The following HDHD5 variants were observed in gnomAD, a reference collection of about 807,000 sequenced individuals.
HDHD5 encodes the protein haloacid dehalogenase-like hydrolase domain-containing 5.
A neutral mutation model predicts 35.5 loss-of-function variants in HDHD5; 34 were observed. The ratio of observed to expected loss-of-function variants is 0.96; its 90% CI spans 0.73 to 1.28. The LOEUF (loss-of-function observed/expected upper bound fraction) is 1.28, where lower values mean the gene tolerates loss of function less well. HDHD5 is among the 50% of genes most tolerant of loss of function. HDHD5 has a pLI of 0.00. For missense variants in HDHD5, 589 were observed against 560.2 expected (o/e 1.05, Z -0.52); for synonymous variants, 248 against 240.6 (o/e 1.03, Z -0.29).
chr22:17,164,441 G>A (rs375798185), intron 1 of HDHD5, among the ~76,000 whole-genome samples: 9 of 152,298 alleles, frequency 5.9e-5, no homozygotes, highest in South Asian at 2.1e-4. Flanking sequence ...TCACATAAAC[G>A]AAGTAGTTGG....
At chr22:17,159,289 C>G (rs1297426903), upstream of HDHD5, 6 of 1,186,690 alleles carry the variant, frequency 5.1e-6, no homozygotes, top group South Asian at 5.8e-5. Context: ...GCGTGCGGCC[C>G]CCCCCCCCCG....
upstream of HDHD5, among the ~76,000 whole-genome samples, chr22:17,161,717 T>TA (rs71284927): frequency 0.032 from 4,652 of 144,162 alleles, 84 homozygotes; most frequent in South Asian, 0.055. Context: ...AATATATATA[T>TA]AAAAAAAAAA....
intron 1 of HDHD5, among the ~76,000 whole-genome samples, chr22:17,150,105 G>C (rs957162311): frequency 5.3e-5 from 8 of 152,014 alleles, no homozygotes; most frequent in Non-Finnish European, 1.0e-4. Context: ...GTGAGCCACC[G>C]AGTCCAGCCT....
At chr22:17,159,289 C>CA, upstream of HDHD5, 1 of 1,186,688 alleles carries the variant, frequency 8.4e-7, no homozygotes, top group Non-Finnish European at 1.1e-6. Flanking sequence ...GCGTGCGGCC[C>CA]CCCCCCCCCG....
rs764357015 is a variant in HDHD5 at position 17,141,152 on chromosome 22, G to C, written c.653C>G (p.Pro218Arg). The C allele has an allele frequency of 1.9e-6, 3 of 1,595,940 alleles. No homozygotes were observed. The Admixed American group carries it at 5.3e-5, about 28-fold the overall frequency. The change falls in exon 6 of 8, where the codon CCT becomes CGT. Residue 218 changes from proline to arginine, a missense_variant. Pro to Arg is a moderately radical substitution (Grantham distance 103, BLOSUM62 -2). Coordinates refer to ENST00000336737, the MANE Select transcript of HDHD5 (RefSeq NM_033070.3). ...GGGGGGTGTTGCCAGGCCAGCCCCA[G>C]GGCTCCCATTGCTGAGGAGGACATC... ...IMDVLLSNGS[P>R]GAGLATPPYP...
chr22:17,142,196 T>C (rs919986499), intron 5 of HDHD5: 24 of 152,208 alleles, frequency 1.6e-4, no homozygotes, highest in African/African-American at 5.8e-4. Flanking sequence ...GGCAACATAG[T>C]GAGAGCCCGT....
At chr22:17,160,173 C>T (rs952492238), upstream of HDHD5, among the ~76,000 whole-genome samples, 3 of 152,138 alleles carry the variant, frequency 2.0e-5, no homozygotes, top group African/African-American at 7.2e-5. Context: ...GTACTTAGCA[C>T]TAGCAGAGAG....
upstream of HDHD5, chr22:17,159,934 A>T (rs543200834): frequency 1.0e-4 from 17 of 165,172 alleles, no homozygotes; most frequent in Non-Finnish European, 1.9e-4. Context: ...GAGTAGACAC[A>T]AGGGTGAATG....
In HDHD5 at chr22:17,137,635, C is replaced by CG; in HGVS notation, c.*385_*386insC. 3 of 191,852 alleles carry CG rather than the reference C, an allele frequency of 1.6e-5. No individual in the cohort carries two copies. The highest frequency in any genetic ancestry group is 1.5e-4 in the South Asian group (1 of 6,778). The allele number at this position is 191,852 out of a possible 1,614,324, so 11.9% of individuals were successfully genotyped here. On this transcript the variant is annotated 3_prime_UTR_variant, in exon 8 of 8. Coordinates refer to ENST00000336737, the MANE Select transcript of HDHD5 (RefSeq NM_033070.3). ...ATCTGGTGTTAAGACACTCTGCCGACAGGCTGCATGCCTTCAGTGCCGGCA... is the reference window on the plus strand; with the variant it reads ...ATCTGGTGTTAAGACACTCTGCCGACGAGGCTGCATGCCTTCAGTGCCGGCA...
intron 1 of HDHD5, among the ~76,000 whole-genome samples, chr22:17,151,477 C>A (rs1420030980): frequency 6.6e-6 from 1 of 152,128 alleles, no homozygotes; most frequent in African/African-American, 2.4e-5. Flanking sequence ...CGCCTGTAAT[C>A]CCAGCACTTT....
chr22:17,155,782 C>G (rs981073479), intron 1 of HDHD5, among the ~76,000 whole-genome samples: 1 of 152,070 alleles, frequency 6.6e-6, no homozygotes, highest in African/African-American at 2.4e-5. Context: ...CGCACCATAA[C>G]GATGTTTCAG....
At chr22:17,159,523 G>C (rs528504926), upstream of HDHD5, 60 of 457,464 alleles carry the variant, frequency 1.3e-4, no homozygotes, top group Middle Eastern at 4.7e-3. Flanking sequence ...GGCGGCGTCC[G>C]TACTATCGCC....
At chr22:17,147,877 CCTT>C (rs2061683398) in intron 3 of HDHD5, among the ~76,000 whole-genome samples, 1 of 152,256 alleles carries the variant, frequency 6.6e-6, no homozygotes, top group African/African-American at 2.4e-5. Flanking sequence ...CAGCACAAGC[CCTT>C]GATTGATTCA....
At position 17,143,094 on chromosome 22, in the gene HDHD5, T is replaced by C. The variant is rs770234564; in HGVS notation, c.571+4A>G. ...CACAACTCATCAAAGAGGACCTCTC[T>C]TACCTTCAATGCGGGGGAAGTCATT... On this transcript the variant is annotated splice_donor_region_variant and intron_variant, in intron 5 of 7. Transcript: ENST00000336737. 2.5e-6 allele frequency: 4 copies of C among 1,610,170 alleles called. No homozygotes were observed. The highest frequency in any genetic ancestry group is 2.5e-6 in the Non-Finnish European group (3 of 1,178,414).
chr22:17,138,684 C>G lies in HDHD5; in HGVS notation c.801G>C (p.Thr267=). 1 of 1,614,242 alleles carries G rather than the reference C, an allele frequency of 6.2e-7. No individual in the cohort carries two copies. ...GGCCCTCGTATCTCAGCTCCTTGCC[C>G]GTCACTTTCTGGTAAATGGTTTCCA... ...LCLETIYQKV[T]GKELRYEGLM... is the part of the protein sequence containing the mutation. The change falls in exon 7 of 8, where the codon ACG becomes ACC. Residue 267 remains threonine (T), a synonymous_variant. Coordinates refer to ENST00000336737, the MANE Select transcript of HDHD5 (RefSeq NM_033070.3).
At chr22:17,154,891 C>T (rs2061769319) in intron 1 of HDHD5, among the ~76,000 whole-genome samples, 1 of 151,744 alleles carries the variant, frequency 6.6e-6, no homozygotes, top group Non-Finnish European at 1.5e-5. Context: ...TCCCAAAGTG[C>T]TCAGATTACA....
intron 1 of HDHD5, among the ~76,000 whole-genome samples, chr22:17,157,114 A>AC (rs1555881519): frequency 9.7e-4 from 144 of 148,318 alleles, no homozygotes; most frequent in Non-Finnish European, 1.3e-3. Flanking sequence ...ACACACACAC[A>AC]AAAGAAAAAA....
intron 1 of HDHD5, among the ~76,000 whole-genome samples, chr22:17,157,082 A>T (rs2061803378): frequency 9.6e-6 from 1 of 103,762 alleles, no homozygotes; most frequent in African/African-American, 4.1e-5. Flanking sequence ...CGTCTCACAC[A>T]CATACACACA....
At chr22:17,148,914 T>A (rs1040788682) in intron 2 of HDHD5, among the ~76,000 whole-genome samples, 10 of 152,178 alleles carry the variant, frequency 6.6e-5, no homozygotes, top group African/African-American at 2.4e-4. Flanking sequence ...AACTGGTCTT[T>A]TACTTTCTAT....
Sources: allele counts gnomAD v4.1 joint callset (sites outside exome capture counted in the v4.1 genomes callset), GRCh38; gene constraint gnomAD v4.1.1; transcripts MANE v1.5; gene names NCBI Gene and HGNC (gene_info 2026-07-23, HGNC 2026-07-21).